The following DNMT3A variants were observed in gnomAD, a reference collection of about 807,000 sequenced individuals.
DNMT3A encodes DNA (cytosine-5)-methyltransferase 3A.
Under a neutral mutation model 117.6 loss-of-function variants are expected in DNMT3A, and 267 were observed. That is an observed-to-expected ratio of 2.27 (90% CI 2.05 to 2.51). The LOEUF (loss-of-function observed/expected upper bound fraction) is 2.51. DNMT3A is among the 30% of genes most tolerant of loss of function. DNMT3A has a pLI of 0.00. For missense variants in DNMT3A, 1,029 were observed against 1,260.2 expected (o/e 0.82, Z 2.78); for synonymous variants, 432 against 474.8 (o/e 0.91, Z 1.17).
chr2:25,243,072 C>T (rs769695285), intron 16 of DNMT3A, among the ~76,000 whole-genome samples: 3 of 152,050 alleles, frequency 2.0e-5, no homozygotes, highest in Non-Finnish European at 2.9e-5. Context: ...TTTGGGAGGC[C>T]GAGGTGGGCG....
Position 25,245,284 on chromosome 2 carries a change from A to AGGGGGTGTTCC in DNMT3A, c.1512_1522dup (p.Leu508ArgfsTer147). ...GTTTTGGCACATTCCTCCAACGAAGAGGGGGTGTTCCAGGGTAACATTGAG... is the reference window on the plus strand; with the variant it reads ...GTTTTGGCACATTCCTCCAACGAAGAGGGGGTGTTCCGGGGGTGTTCCAGGGTAACATTGAG... On this transcript the variant is annotated frameshift_variant, in exon 13 of 23. Coordinates refer to ENST00000321117, the MANE Select transcript of DNMT3A (RefSeq NM_022552.5). LOFTEE classifies it high-confidence loss of function. 1 of 1,613,876 alleles carries AGGGGGTGTTCC rather than the reference A, an allele frequency of 6.2e-7. No homozygotes were observed. The highest frequency in any genetic ancestry group is 8.5e-7 in the Non-Finnish European group (1 of 1,179,952).
intron 2 of DNMT3A, among the ~76,000 whole-genome samples, chr2:25,308,784 C>G (rs1476751337): frequency 6.6e-6 from 1 of 152,104 alleles, no homozygotes; most frequent in South Asian, 2.1e-4. Context: ...GGTGACAGAC[C>G]GCGGGCAGCA....
In DNMT3A at chr2:25,247,714, C is replaced by G; in HGVS notation, c.891G>C (p.Trp297Cys). 6.2e-7 allele frequency: 1 copy of G among 1,613,462 alleles called. No homozygotes were observed. The highest frequency in any genetic ancestry group is 8.5e-7 in the Non-Finnish European group (1 of 1,180,014). Residue 297 changes from tryptophan to cysteine, a missense_variant, in exon 8 of 23, where the codon TGG becomes TGC. By Grantham distance (215) the Trp-to-Cys change is radical (BLOSUM62 -2). Transcript: ENST00000321117. This position sits in a 1 kb window ranked among gnomAD's most constrained non-coding sequence, Gnocchi z 5.6. ...GRGFGIGELV[W>C]GKLRGFSWWP... ...ACCAGGAGAAGCCCCGCAGTTTCCC[C>G]CACACCAGCTCCCCAATGCCAAAGC... is the stretch of plus-strand genomic sequence containing the variant.
At chr2:25,333,120 G>A (rs2035075625) in intron 1 of DNMT3A, among the ~76,000 whole-genome samples, 2 of 152,182 alleles carry the variant, frequency 1.3e-5, no homozygotes, top group African/African-American at 4.8e-5. Flanking sequence ...GAGAAAAAGG[G>A]ACAACTTATT....
At chr2:25,249,845 A>G (rs1675296665) in intron 6 of DNMT3A, 2 of 1,180,350 alleles carry the variant, frequency 1.7e-6, no homozygotes, top group Admixed American at 2.0e-5. Context: ...TACCAGATTT[A>G]GAGGGGAGAA....
chr2:25,291,414 G>A (rs1320514511), intron 3 of DNMT3A, among the ~76,000 whole-genome samples: 2 of 152,244 alleles, frequency 1.3e-5, no homozygotes, highest in Non-Finnish European at 2.9e-5. Flanking sequence ...AGAGATGCCT[G>A]CTCCATGCCC....
At chr2:25,317,614 T>C (rs1009864679) in intron 1 of DNMT3A, among the ~76,000 whole-genome samples, 3 of 152,226 alleles carry the variant, frequency 2.0e-5, no homozygotes. Flanking sequence ...TAGACCCTCT[T>C]CTACAAGTTT....
chr2:25,313,853 A>C, intron 2 of DNMT3A, 60 bp downstream of exon 2: 4 of 1,548,204 alleles, frequency 2.6e-6, no homozygotes, highest in Non-Finnish European at 3.5e-6. Context: ...CTGTCATCAC[A>C]TAGGGACAGG....
chr2:25,282,640 G>A lies in DNMT3A; in HGVS notation c.249C>T (p.Gly83=), dbSNP rs1337746913. 5.0e-6 allele frequency: 8 copies of A among 1,612,052 alleles called. No individual in the cohort carries two copies. Among genetic ancestry groups the A allele is most frequent in the South Asian group, 1.1e-5 (1 of 90,768 alleles). ...CCCCATTGGGTAATAGCTCTGAGGC[G>A]CCTGAGTCCTGGGCCATGGATGGGG... ...SKSPSMAQDS[G]ASELLPNGDL... The change falls in exon 4 of 23, where the codon GGC becomes GGT. Residue 83 remains glycine (G), a synonymous_variant. Coordinates refer to ENST00000321117, the MANE Select transcript of DNMT3A (RefSeq NM_022552.5). This position sits in a 1 kb window ranked among gnomAD's most constrained non-coding sequence, Gnocchi z 5.2.
Position 25,247,789 on chromosome 2 carries a change from C to T in DNMT3A, c.856-40G>A, listed in dbSNP as rs765448102. On this transcript the variant is annotated intron_variant, in intron 7 of 22. Transcript: ENST00000321117. The surrounding 1 kb of genome is among the most constrained non-coding windows in gnomAD (Gnocchi z 5.6). ...AGCAGAAATCATTACACAGTGGTCA[C>T]GAGGCCCTGCCACCCTGATCCCCCC... 9.4e-6 allele frequency: 15 copies of T among 1,601,360 alleles called. No individual in the cohort carries two copies. The highest frequency in any genetic ancestry group is 8.0e-5 in the African/African-American group (6 of 74,744).
chr2:25,309,850 G>A (rs990342593), intron 2 of DNMT3A, among the ~76,000 whole-genome samples: 5 of 152,046 alleles, frequency 3.3e-5, no homozygotes, highest in African/African-American at 1.2e-4. Flanking sequence ...TCAGGAGATC[G>A]AGACCATGCT....
At position 25,257,527 on chromosome 2, in the gene DNMT3A, C is replaced by T. The variant is rs148573893; in HGVS notation, c.640-9275G>A. Among the ~76,000 whole-genome samples, 411 of 152,204 alleles carry T rather than the reference C, an allele frequency of 2.7e-3. 1 individual carries two copies. Among genetic ancestry groups the T allele is most frequent in the Non-Finnish European group, 4.7e-3 (323 of 68,008 alleles). On this transcript the variant is annotated intron_variant, in intron 6 of 22. Coordinates refer to ENST00000321117, the MANE Select transcript of DNMT3A (RefSeq NM_022552.5). This position sits in a 1 kb window ranked among gnomAD's most constrained non-coding sequence, Gnocchi z 4.8. ...AGTGGGGGTCTGGTCTTGGCTTAGCCGGCATGACCAGGAAACACCCGCTTC... is the reference window on the plus strand; with the variant it reads ...AGTGGGGGTCTGGTCTTGGCTTAGCTGGCATGACCAGGAAACACCCGCTTC...
Position 25,243,936 on chromosome 2 carries a change from G to T in DNMT3A, c.1898C>A (p.Pro633His), listed in dbSNP as rs1446825883. The change falls in exon 16 of 23, where the codon CCC becomes CAC. Residue 633 changes from proline (P) to histidine (H), a missense_variant. Physicochemically the swap from Pro to His is moderately conservative, Grantham distance 77. Coordinates refer to ENST00000321117, the MANE Select transcript of DNMT3A (RefSeq NM_022552.5). ...ATCAAAGAGAGACAGCACCCGGATG[G>T]GCTTCCTCTTCTCAGCTGGGACAGG... is the stretch of plus-strand genomic sequence containing the variant. ...YPPVPAEKRK[P>H]IRVLSLFDGI... 1 of 1,552,504 alleles carries T rather than the reference G, an allele frequency of 6.4e-7. No homozygotes were observed. Among genetic ancestry groups the T allele is most frequent in the Non-Finnish European group, 8.7e-7 (1 of 1,147,292 alleles).
At chr2:25,283,031 A>G (rs1189865717) in intron 3 of DNMT3A, among the ~76,000 whole-genome samples, 1 of 152,116 alleles carries the variant, frequency 6.6e-6, no homozygotes, top group African/African-American at 2.4e-5. Flanking sequence ...CTGAGGTTAC[A>G]TAGGACGTCC....
In DNMT3A at chr2:25,252,406, C is replaced by T. The variant is rs1675689272; in HGVS notation, c.640-4154G>A. ...AGGTCACGTGGGCCCCGCTGGAGGG[C>T]CTGGTTGGCTGCGAGCGGCCCGGGG... On this transcript the variant is annotated intron_variant, in intron 6 of 22. Coordinates refer to ENST00000321117, the MANE Select transcript of DNMT3A (RefSeq NM_022552.5). The surrounding 1 kb of genome is among the most constrained non-coding windows in gnomAD (Gnocchi z 5.5). The T allele has an allele frequency of 5.9e-6, 3 of 506,670 alleles. No homozygotes were observed. Among genetic ancestry groups the T allele is most frequent in the Non-Finnish European group, 9.7e-6 (3 of 307,878 alleles). 31.4% of individuals were successfully genotyped at this position (506,670 alleles called of 1,614,324 possible).
At chr2:25,248,372 A>C (rs1675114635) in intron 6 of DNMT3A, 120 bp from the exon 7 acceptor site, 2 of 1,119,896 alleles carry the variant, frequency 1.8e-6, no homozygotes, top group Middle Eastern at 2.5e-4. Context: ...CAAGGGCTGG[A>C]GAGAGCCAAC....
chr2:25,271,525 T>C (rs1033609732), intron 6 of DNMT3A, among the ~76,000 whole-genome samples: 3 of 152,234 alleles, frequency 2.0e-5, no homozygotes, highest in Non-Finnish European at 2.9e-5. Context: ...AGTCAGGGCC[T>C]GGGCCCCACA....
chr2:25,261,324 A>C (rs1161108759), intron 6 of DNMT3A, among the ~76,000 whole-genome samples: 1 of 151,594 alleles, frequency 6.6e-6, no homozygotes, highest in Non-Finnish European at 1.5e-5. Flanking sequence ...CTATAGTCCC[A>C]GCTACTCAGG....
At chr2:25,291,129 C>T (rs568542712) in intron 3 of DNMT3A, among the ~76,000 whole-genome samples, 7 of 152,216 alleles carry the variant, frequency 4.6e-5, no homozygotes, top group Non-Finnish European at 1.0e-4. Context: ...AACACAAACA[C>T]GCCAGTGAGC....
Sources: allele counts gnomAD v4.1 joint callset (sites outside exome capture counted in the v4.1 genomes callset), GRCh38; gene constraint gnomAD v4.1.1; non-coding constraint Gnocchi (gnomAD v3.1); transcripts MANE v1.5; gene names NCBI Gene and HGNC (gene_info 2026-07-23, HGNC 2026-07-21).